The following MECOM variants were observed in gnomAD, a reference collection of about 807,000 sequenced individuals.
The protein encoded by MECOM is histone-lysine N-methyltransferase MECOM.
MECOM carries 13 observed loss-of-function variants against 116.3 expected under a neutral mutation model. The ratio of observed to expected loss-of-function variants is 0.11; its 90% CI spans 0.07 to 0.18. MECOM has a LOEUF of 0.18. MECOM is among the 10% of genes least tolerant of loss of function. The pLI is 1.00. For synonymous variants in MECOM, 528 were observed against 535.2 expected (o/e 0.99, Z 0.19); for missense variants, 1,299 against 1,509.0 (o/e 0.86, Z 2.31).
At chr3:169,363,419 T>G (rs1266475973) in intron 2 of MECOM, among the ~76,000 whole-genome samples, 1 of 151,944 alleles carries the variant, frequency 6.6e-6, no homozygotes, top group African/African-American at 2.4e-5. Flanking sequence ...ATTATTACAA[T>G]TATTCCTTTC....
At chr3:169,534,698 G>C (rs536126370) in intron 1 of MECOM, among the ~76,000 whole-genome samples, 1 of 152,250 alleles carries the variant, frequency 6.6e-6, no homozygotes, top group Admixed American at 6.5e-5. Context: ...CACTGTCTTA[G>C]GTCCTCTACC....
intron 1 of MECOM, among the ~76,000 whole-genome samples, chr3:169,387,689 C>T (rs959043109): frequency 6.6e-6 from 1 of 152,064 alleles, no homozygotes; most frequent in South Asian, 2.1e-4. Context: ...CTCAACTGTA[C>T]ACATATATGC....
At chr3:169,152,070 G>A (rs979382452) in intron 2 of MECOM, among the ~76,000 whole-genome samples, 2 of 152,106 alleles carry the variant, frequency 1.3e-5, no homozygotes, top group African/African-American at 2.4e-5. Flanking sequence ...CTCTAAGCAT[G>A]AATGTGAATT....
chr3:169,663,487 T>A lies in MECOM; in HGVS notation c.-115A>T. On this transcript the variant is annotated 5_prime_UTR_variant, in exon 1 of 17. Transcript: ENST00000651503. ...CCTCTCTCTCCTGTCTCTCTCTCTC[T>A]CTCTCTCTCTCTCTCTCTCTCTCTC... The A allele has an allele frequency of 2.7e-6, 1 of 367,744 alleles. No individual in the cohort carries two copies. Among genetic ancestry groups the A allele is most frequent in the Non-Finnish European group, 4.8e-6 (1 of 207,576 alleles). 22.8% of individuals were successfully genotyped at this position (367,744 alleles called of 1,614,324 possible).
Position 169,116,228 on chromosome 3 carries a change from G to A in MECOM, c.1644C>T (p.His548=). 2.5e-6 allele frequency: 4 copies of A among 1,614,150 alleles called. No homozygotes were observed. The highest frequency in any genetic ancestry group is 3.4e-6 in the Non-Finnish European group (4 of 1,180,034). ...CTGGCTTATTGTCCCCTACAGATGG[G>A]TGTTTAGATAGTGCCTTCAAAATAT... is the stretch of plus-strand genomic sequence containing the variant. ...TQDILKALSK[H]PSVGDNKPVE... The change falls in exon 8 of 17, where the codon CAC becomes CAT. Residue 548 remains histidine (H), a synonymous_variant. Transcript: ENST00000651503.
chr3:169,639,631 A>G (rs1399833565), intron 1 of MECOM, among the ~76,000 whole-genome samples: 1 of 152,206 alleles, frequency 6.6e-6, no homozygotes, highest in Non-Finnish European at 1.5e-5. Flanking sequence ...ATTAATAACT[A>G]ATATCTTCCA....
intron 1 of MECOM, among the ~76,000 whole-genome samples, chr3:169,504,940 T>C (rs1358811526): frequency 6.6e-6 from 1 of 152,194 alleles, no homozygotes; most frequent in African/African-American, 2.4e-5. Context: ...TGCATTTTTG[T>C]ACCTGCAGCT....
At chr3:169,612,587 C>T (rs1316652183) in intron 1 of MECOM, among the ~76,000 whole-genome samples, 3 of 151,884 alleles carry the variant, frequency 2.0e-5, no homozygotes, top group African/African-American at 7.3e-5. Flanking sequence ...AAGAGTATCT[C>T]GTAAGCTTTG....
At chr3:169,189,376 G>A (rs980734578) in intron 2 of MECOM, among the ~76,000 whole-genome samples, 1 of 151,922 alleles carries the variant, frequency 6.6e-6, no homozygotes, top group Non-Finnish European at 1.5e-5. Flanking sequence ...TTCACCTTCA[G>A]TTAAGGCTCC....
At chr3:169,319,409 C>T (rs1340007377) in intron 2 of MECOM, among the ~76,000 whole-genome samples, 2 of 151,884 alleles carry the variant, frequency 1.3e-5, no homozygotes, top group South Asian at 2.1e-4. Context: ...GAACACCACA[C>T]ACTGGGGCCT....
At chr3:169,649,472 A>G (rs1352801204) in intron 1 of MECOM, among the ~76,000 whole-genome samples, 1 of 151,292 alleles carries the variant, frequency 6.6e-6, no homozygotes, top group African/African-American at 2.4e-5. Flanking sequence ...CTTAGGATTC[A>G]GTATTCCAAG....
chr3:169,101,731 G>A (rs1723610908), intron 11 of MECOM, among the ~76,000 whole-genome samples: 1 of 152,104 alleles, frequency 6.6e-6, no homozygotes, highest in Non-Finnish European at 1.5e-5. Context: ...ATATATGCTT[G>A]AGGACAGTAG....
intron 2 of MECOM, among the ~76,000 whole-genome samples, chr3:169,154,379 C>T (rs1741628149): frequency 6.6e-6 from 1 of 151,980 alleles, no homozygotes; most frequent in Non-Finnish European, 1.5e-5. Context: ...TGCCCAGAGT[C>T]TACCATAATG....
chr3:169,285,613 A>G (rs1035260786), intron 2 of MECOM, among the ~76,000 whole-genome samples: 1 of 152,226 alleles, frequency 6.6e-6, no homozygotes, highest in Non-Finnish European at 1.5e-5. Flanking sequence ...AAAAGGTGAA[A>G]GACGCCAAGG....
chr3:169,654,381 G>A (rs377530120), intron 1 of MECOM, among the ~76,000 whole-genome samples: 4 of 152,128 alleles, frequency 2.6e-5, no homozygotes, highest in South Asian at 2.1e-4. Context: ...CAAATAAGAC[G>A]TTCATCCCTT....
At chr3:169,346,868 G>A (rs180853755) in intron 2 of MECOM, among the ~76,000 whole-genome samples, 33 of 152,108 alleles carry the variant, frequency 2.2e-4, no homozygotes, top group African/African-American at 7.5e-4. Flanking sequence ...ACCTGAAATA[G>A]TTATAAATGC....
At chr3:169,246,009 G>A (rs1345152485) in intron 2 of MECOM, among the ~76,000 whole-genome samples, 1 of 152,044 alleles carries the variant, frequency 6.6e-6, no homozygotes, top group African/African-American at 2.4e-5. Context: ...GAGTTAATGG[G>A]ACATTCTTAG....
At chr3:169,104,032 A>G (rs985290927) in intron 10 of MECOM, among the ~76,000 whole-genome samples, 2 of 152,182 alleles carry the variant, frequency 1.3e-5, no homozygotes. Flanking sequence ...GTCAAGATAC[A>G]TTTACTTGTC....
At chr3:169,310,877 T>C (rs1718627768) in intron 2 of MECOM, among the ~76,000 whole-genome samples, 2 of 152,230 alleles carry the variant, frequency 1.3e-5, no homozygotes, top group South Asian at 4.1e-4. Context: ...GTTCACAGCC[T>C]ATGCTTCTTT....
Sources: allele counts gnomAD v4.1 joint callset (sites outside exome capture counted in the v4.1 genomes callset), GRCh38; gene constraint gnomAD v4.1.1; transcripts MANE v1.5; gene names NCBI Gene and HGNC (gene_info 2026-07-23, HGNC 2026-07-21).